Variants in PRSS12 observed in about 807,000 individuals in gnomAD.
PRSS12 encodes the protein neurotrypsin.
PRSS12 carries 85 observed loss-of-function variants against 104.4 expected under a neutral mutation model. The ratio of observed to expected loss-of-function variants is 0.81; its 90% confidence interval spans 0.68 to 0.98. PRSS12 has a LOEUF of 0.98. Ranked by LOEUF, PRSS12 falls within the 50% of genes least tolerant of loss-of-function variation. The pLI, the probability that PRSS12 is intolerant of heterozygous loss-of-function variation, is 0.00. For missense variants in PRSS12, 1,141 were observed against 1,139.2 expected (o/e 1.00, Z -0.02); for synonymous variants, 454 against 425.2 (o/e 1.07, Z -0.83).
At chr4:118,313,457 A>C in intron 6 of PRSS12, 60 bp from the exon 7 acceptor site, 1 of 1,543,720 alleles carries the variant, frequency 6.5e-7, no homozygotes, top group Non-Finnish European at 8.9e-7. Context: ...AGGGAACCAC[A>C]AAACATTTAA....
At chr4:118,307,565 T>G (rs956267277) in intron 8 of PRSS12, among the ~76,000 whole-genome samples, 7 of 152,218 alleles carry the variant, frequency 4.6e-5, no homozygotes, top group African/African-American at 1.7e-4. Flanking sequence ...TTTTGTTACT[T>G]CAAAATCATT....
intron 1 of PRSS12, among the ~76,000 whole-genome samples, chr4:118,347,890 T>C (rs1015076819): frequency 6.6e-6 from 1 of 152,186 alleles, no homozygotes; most frequent in Admixed American, 6.5e-5. Context: ...TGCCTGTTAA[T>C]TCTTCCTGTA....
intron 6 of PRSS12, among the ~76,000 whole-genome samples, chr4:118,315,185 T>C (rs747347311): frequency 8.5e-5 from 13 of 152,106 alleles, no homozygotes; most frequent in Non-Finnish European, 1.6e-4. Context: ...GTGGATATTG[T>C]TTTCATTAAA....
At chr4:118,351,348 A>C (rs918299158) in intron 1 of PRSS12, among the ~76,000 whole-genome samples, 1 of 130,390 alleles carries the variant, frequency 7.7e-6, no homozygotes, top group Non-Finnish European at 1.7e-5. Context: ...GTTTTTAAAC[A>C]AAAAAAAAAA....
Position 118,335,479 on chromosome 4 carries a change from A to T in PRSS12, c.814T>A (p.Ser272Thr), listed in dbSNP as rs748090043. The T allele has an allele frequency of 1.9e-6, 3 of 1,613,772 alleles. No individual in the cohort carries two copies. The African/African-American group carries it at 4.0e-5, about 22-fold the overall frequency. Residue 272 changes from serine to threonine, a missense_variant, in exon 3 of 13, where the codon TCC becomes ACC. Ser to Thr is a moderately conservative substitution (Grantham distance 58). Transcript: ENST00000296498. The part of the protein sequence containing the change: ...KMAAAVTCSF[S>T]HGPTFPIIRL... ...ACTTTTTTCTTTTTTTTACCATGGG[A>T]AAAGCTACACGTGACAGCAGCTGCC...
At chr4:118,320,165 A>T (rs749338771) in intron 4 of PRSS12, among the ~76,000 whole-genome samples, 1 of 152,124 alleles carries the variant, frequency 6.6e-6, no homozygotes, top group African/African-American at 2.4e-5. Flanking sequence ...TAATTTTTAG[A>T]CTATAGCATT....
At chr4:118,284,534 C>G (rs1285867493) in intron 11 of PRSS12, among the ~76,000 whole-genome samples, 1 of 152,198 alleles carries the variant, frequency 6.6e-6, no homozygotes, top group Non-Finnish European at 1.5e-5. Flanking sequence ...AAACCTAGAC[C>G]TTGTATTCAC....
chr4:118,298,820 T>A lies in PRSS12; in HGVS notation c.1750A>T (p.Ile584Phe). 1 of 1,614,174 alleles carries A rather than the reference T, an allele frequency of 6.2e-7. No homozygotes were observed. The highest frequency in any genetic ancestry group is 8.5e-7 in the Non-Finnish European group (1 of 1,180,026). The change falls in exon 9 of 13, where the codon ATT (isoleucine) becomes TTT (phenylalanine). Residue 584 changes from isoleucine to phenylalanine, a missense_variant. By Grantham distance (21) the Ile-to-Phe change is conservative. Transcript: ENST00000296498. ...CTGTGGCGGCAGTTGTGTCTTCCAA[T>A]ATCTTGCTTGATACAGTCAGCCAAG... is the stretch of plus-strand genomic sequence containing the variant. ...RSLADCIKQD[I>F]GRHNCRHSED...
At chr4:118,299,177 A>G (rs1436875580) in intron 8 of PRSS12, among the ~76,000 whole-genome samples, 3 of 152,184 alleles carry the variant, frequency 2.0e-5, no homozygotes, top group African/African-American at 7.2e-5. Context: ...AGCTTTTTCT[A>G]AGAAACTTAC....
intron 4 of PRSS12, among the ~76,000 whole-genome samples, chr4:118,324,314 A>T (rs932290001): frequency 6.6e-6 from 1 of 152,098 alleles, no homozygotes; most frequent in Admixed American, 6.5e-5. Flanking sequence ...GTAAAATTAA[A>T]CAATAATGCA....
chr4:118,299,148 C>T (rs1022259730), intron 8 of PRSS12, among the ~76,000 whole-genome samples: 4 of 152,192 alleles, frequency 2.6e-5, no homozygotes, highest in African/African-American at 9.7e-5. Flanking sequence ...TACTTTATTA[C>T]ATCACTTGCC....
chr4:118,328,527 CTG>C (rs1462367249), intron 4 of PRSS12, among the ~76,000 whole-genome samples: 3 of 152,008 alleles, frequency 2.0e-5, no homozygotes, highest in Non-Finnish European at 4.4e-5. Flanking sequence ...TGTTTAAAAA[CTG>C]TTTCTATTTA....
intron 6 of PRSS12, among the ~76,000 whole-genome samples, chr4:118,314,286 TTCTA>T (rs1466762585): frequency 6.7e-6 from 1 of 150,210 alleles, no homozygotes; most frequent in Admixed American, 6.7e-5. Flanking sequence ...GAAGAGATCT[TTCTA>T]TCTGACATGA....
chr4:118,352,774 C>G lies in PRSS12; in HGVS notation c.-54G>C, dbSNP rs944728389. 5.7e-6 allele frequency: 9 copies of G among 1,583,776 alleles called. No homozygotes were observed. In the African/African-American group the frequency reaches 1.1e-4, roughly 19 times the overall value. On this transcript the variant is annotated 5_prime_UTR_variant, in exon 1 of 13. Transcript: ENST00000296498. ...GCTCCCCAGCTTCTCGGGCTTGGAG[C>G]GGAGAAGAGGAGGGGGCGGGGGCGG...
chr4:118,284,404 C>T (rs1159006926), intron 11 of PRSS12, among the ~76,000 whole-genome samples: 1 of 152,176 alleles, frequency 6.6e-6, no homozygotes, highest in Non-Finnish European at 1.5e-5. Context: ...TCATTGCATT[C>T]CACTACTTAT....
chr4:118,341,592 GAATC>G (rs1247952323), intron 1 of PRSS12, among the ~76,000 whole-genome samples: 1 of 152,020 alleles, frequency 6.6e-6, no homozygotes, highest in Non-Finnish European at 1.5e-5. Context: ...TGAAGCAGGA[GAATC>G]ACTTGAACCC....
intron 7 of PRSS12, 176 bp downstream of exon 7, chr4:118,313,025 C>T (rs184908560): frequency 5.2e-5 from 37 of 705,098 alleles, no homozygotes; most frequent in East Asian, 1.9e-4. Context: ...ATAATGTTGG[C>T]GCACAGACTC....
At chr4:118,283,248 A>G in intron 11 of PRSS12, 137 bp from the exon 12 acceptor site, 2 of 1,070,100 alleles carry the variant, frequency 1.9e-6, no homozygotes, top group Non-Finnish European at 2.8e-6. Context: ...CTTTCCATTT[A>G]TCTGACCCAC....
At chr4:118,308,656 A>G in intron 7 of PRSS12, 79 bp from the exon 8 acceptor site, 3 of 1,547,374 alleles carry the variant, frequency 1.9e-6, no homozygotes, top group South Asian at 2.2e-5. Flanking sequence ...TACAAAACAC[A>G]ATTGTTCTTT....
Sources: allele counts gnomAD v4.1 joint callset (sites outside exome capture counted in the v4.1 genomes callset), GRCh38; gene constraint gnomAD v4.1.1; transcripts MANE v1.5; gene names NCBI Gene and HGNC (gene_info 2026-07-23, HGNC 2026-07-21).